Variants in TBC1D26 observed in about 807,000 individuals in gnomAD.
TBC1D26 encodes the protein TBC1 domain family, member 26.
Under a neutral mutation model 42.5 loss-of-function variants are expected in TBC1D26, and 19 were observed. The ratio of observed to expected loss-of-function variants is 0.45; its 90% CI spans 0.31 to 0.66. The LOEUF is 0.66. Ranked by LOEUF, TBC1D26 falls within the 30% of genes least tolerant of loss-of-function variation. The pLI, the probability that TBC1D26 is intolerant of heterozygous loss-of-function variation, is 0.06. For missense variants in TBC1D26, 228 were observed against 332.6 expected, an observed-to-expected ratio of 0.69 and a Z score of 2.45; for synonymous variants, 97 against 123.5, an observed-to-expected ratio of 0.79 and a Z score of 1.42.
Position 15,740,435 on chromosome 17 carries a change from C to G in TBC1D26, c.546+287C>G, listed in dbSNP as rs537279605. On this transcript the variant is annotated intron_variant, in intron 9 of 14. Coordinates refer to ENST00000437605, the MANE Select transcript of TBC1D26 (RefSeq NM_001388465.1). ...CACACAGGATGGTCCTTGTAGGAGA[C>G]AGGTTTGACAAGTTGCTGAGGTGCC... is the stretch of plus-strand genomic sequence containing the variant. 5.0e-5 allele frequency: 68 copies of G among 1,372,160 alleles called. 1 individual carries two copies. In the African/African-American group the frequency reaches 9.0e-4, roughly 18 times the overall value. 85.0% of individuals were successfully genotyped at this position (1,372,160 alleles called of 1,614,324 possible).
chr17:15,737,943 G>T, intron 5 of TBC1D26, 54 bp from the exon 6 acceptor site: 2 of 1,612,768 alleles, frequency 1.2e-6, no homozygotes, highest in Non-Finnish European at 1.7e-6. Flanking sequence ...GCATCCACGG[G>T]CCACTGTCAG....
rs1324899703 is a variant in TBC1D26 at position 15,735,337 on chromosome 17, T to A, written c.-1-11T>A. ...GGTGCGGGAGAGCCTTGGGATGACTTTGTCTTGCAGGATGGAGATGGATGG... is the reference window on the plus strand; with the variant it reads ...GGTGCGGGAGAGCCTTGGGATGACTATGTCTTGCAGGATGGAGATGGATGG... On this transcript the variant is annotated splice_polypyrimidine_tract_variant and intron_variant, in intron 2 of 14. Transcript: ENST00000437605. 6.2e-7 allele frequency: 1 copy of A among 1,613,696 alleles called. No homozygotes were observed. The highest frequency in any genetic ancestry group is 2.2e-5 in the East Asian group (1 of 44,862).
chr17:15,743,025 C>T lies in TBC1D26; in HGVS notation c.907+17C>T, dbSNP rs140657077. 409 of 153,524 alleles carry T rather than the reference C, an allele frequency of 2.7e-3. 2 individuals are homozygous for T. Among genetic ancestry groups the T allele is most frequent in the African/African-American group, 9.3e-3 (386 of 41,562 alleles). 9.5% of individuals were successfully genotyped at this position (153,524 alleles called of 1,614,324 possible). Reference sequence around the variant, plus strand: ...TACACAGGAGTAAGTCCCGTGTGCCCGAGGGTGCTTGGGGGAACATGTGGG... The same window carrying T: ...TACACAGGAGTAAGTCCCGTGTGCCTGAGGGTGCTTGGGGGAACATGTGGG... On this transcript the variant is annotated intron_variant, in intron 13 of 14. Coordinates refer to ENST00000437605, the MANE Select transcript of TBC1D26 (RefSeq NM_001388465.1).
At chr17:15,744,129 AG>A (rs1332283638) in intron 14 of TBC1D26, 113 bp from the exon 15 acceptor site, 1 of 152,160 alleles carries the variant, frequency 6.6e-6, no homozygotes, top group East Asian at 1.9e-4. Context: ...GATGTCATAA[AG>A]GTCCACCCCC....
intron 2 of TBC1D26, 109 bp from the exon 3 acceptor site, chr17:15,735,239 G>A: frequency 9.1e-7 from 1 of 1,096,492 alleles, no homozygotes; most frequent in South Asian, 1.4e-5. Flanking sequence ...AGGGGTAGTG[G>A]AATGGGGCTC....
At chr17:15,737,923 C>A in intron 5 of TBC1D26, 74 bp from the exon 6 acceptor site, 4 of 1,606,102 alleles carry the variant, frequency 2.5e-6, no homozygotes, top group South Asian at 1.1e-5. Flanking sequence ...GCCCCAAAGC[C>A]CTGGACCCAG....
At chr17:15,743,323 C>T in intron 13 of TBC1D26, 44 bp from the exon 14 acceptor site, 1 of 973,614 alleles carries the variant, frequency 1.0e-6, no homozygotes, top group Non-Finnish European at 1.2e-6. Context: ...GGCACTGTCC[C>T]CTCCCAGGGA....
rs1219264085 is a variant in TBC1D26 at position 15,744,356 on chromosome 17, C to G, written c.1171C>G (p.Gln391Glu). The G allele has an allele frequency of 2.0e-5, 3 of 152,334 alleles. No individual in the cohort carries two copies. The East Asian group carries it at 5.8e-4, about 29-fold the overall frequency. 9.4% of individuals were successfully genotyped at this position (152,334 alleles called of 1,614,324 possible). A position where few individuals can be genotyped will look rare whatever the true frequency, so the allele number is the denominator to read the frequency against. Reference protein sequence around the residue: ...ASGDFHAHPSQKALLNPGCHL... With the variant: ...ASGDFHAHPSEKALLNPGCHL... ...AGGTGACTTTCATGCACACCCAAGT[C>G]AGAAGGCTCTCCTGAATCCTGGATG... Residue 391 changes from glutamine to glutamate, a missense_variant, in exon 15 of 15, where the codon CAG becomes GAG. By Grantham distance (29) the Gln-to-Glu change is conservative. Transcript: ENST00000437605.
At chr17:15,733,366 G>A (rs956920787) in intron 1 of TBC1D26, among the ~76,000 whole-genome samples, 4 of 152,124 alleles carry the variant, frequency 2.6e-5, no homozygotes, top group African/African-American at 9.7e-5. Flanking sequence ...GGAGGAGGAG[G>A]TGAAAAAATG....
Position 15,744,230 on chromosome 17 carries a change from T to C in TBC1D26, c.1058-13T>C, listed in dbSNP as rs1350973642. On this transcript the variant is annotated splice_polypyrimidine_tract_variant and intron_variant, in intron 14 of 14. Coordinates refer to ENST00000437605, the MANE Select transcript of TBC1D26 (RefSeq NM_001388465.1). ...TAGTATTTCTTTCCATTTGTGACTC[T>C]CCAATCACGCAGGGAGCTTGCTACA... The C allele has an allele frequency of 2.0e-5, 3 of 152,192 alleles. No individual in the cohort carries two copies. The highest frequency in any genetic ancestry group is 4.4e-5 in the Non-Finnish European group (3 of 68,050). 9.4% of individuals were successfully genotyped at this position (152,192 alleles called of 1,614,324 possible).
intron 9 of TBC1D26, 74 bp from the exon 10 acceptor site, chr17:15,741,048 G>A: frequency 1.3e-6 from 2 of 1,588,938 alleles, no homozygotes; most frequent in Non-Finnish European, 1.7e-6. Flanking sequence ...TGCCACCTCT[G>A]GTGACATAAG....
chr17:15,737,347 C>T (rs1597754620), intron 4 of TBC1D26, 137 bp from the exon 5 acceptor site: 4 of 1,164,258 alleles, frequency 3.4e-6, no homozygotes, highest in East Asian at 2.4e-5. Flanking sequence ...AGGCCCTTGC[C>T]TTCCTTCTCT....
chr17:15,737,835 C>T (rs934741369), intron 5 of TBC1D26, 162 bp from the exon 6 acceptor site: 17 of 909,602 alleles, frequency 1.9e-5, no homozygotes, highest in Non-Finnish European at 2.7e-5. Context: ...TTCCAGACTA[C>T]CAGCTCCAGT....
Position 15,735,052 on chromosome 17 carries a change from G to A in TBC1D26, c.-20G>A, listed in dbSNP as rs1280026886. On this transcript the variant is annotated 5_prime_UTR_variant, in exon 2 of 15. Coordinates refer to ENST00000437605, the MANE Select transcript of TBC1D26 (RefSeq NM_001388465.1). ...ACTTCACCCTCAGCAAGTGGACGCCGTTTGTCCTGCCAGGGCAGGTGTGTG... is the reference window on the plus strand; with the variant it reads ...ACTTCACCCTCAGCAAGTGGACGCCATTTGTCCTGCCAGGGCAGGTGTGTG... 1.7e-5 allele frequency: 8 copies of A among 470,922 alleles called. No homozygotes were observed. The highest frequency in any genetic ancestry group is 3.0e-5 in the Non-Finnish European group (8 of 263,920). 29.2% of individuals were successfully genotyped at this position (470,922 alleles called of 1,614,324 possible). A position where few individuals can be genotyped will look rare whatever the true frequency, so the allele number is the denominator to read the frequency against.
intron 7 of TBC1D26, 114 bp from the exon 8 acceptor site, chr17:15,738,607 G>A: frequency 6.4e-7 from 1 of 1,570,152 alleles, no homozygotes. Context: ...TTCTGCAGAA[G>A]GAAACCTTCC....
At chr17:15,735,511 A>G (rs1446678777) in intron 3 of TBC1D26, 86 bp from the exon 4 acceptor site, 2 of 1,379,992 alleles carry the variant, frequency 1.4e-6, no homozygotes, top group Non-Finnish European at 2.0e-6. Context: ...TCCTAAGATC[A>G]CAGGGTGGGG....
rs1315153937 is a variant in TBC1D26 at position 15,740,110 on chromosome 17, T to G, written c.508T>G (p.Leu170Val). The change falls in exon 9 of 15, where the codon TTA becomes GTA. Residue 170 changes from leucine (L) to valine (V), a missense_variant. Physicochemically the swap from Leu to Val is conservative, Grantham distance 32 (BLOSUM62 1). This residue lies in a region of TBC1D26 where 130 missense variants were observed against 168.5 expected (regional missense o/e 0.77). Coordinates refer to ENST00000437605, the MANE Select transcript of TBC1D26 (RefSeq NM_001388465.1). ...IQRFGVKQQE[L>V]CDILVAYSAY... ...TCCCCTCTTTTCTAGGCAGCAGGAA[T>G]TATGTGACATCCTCGTGGCCTATTC... 6.2e-7 allele frequency: 1 copy of G among 1,613,010 alleles called. No homozygotes were observed. Among genetic ancestry groups the G allele is most frequent in the African/African-American group, 1.3e-5 (1 of 75,004 alleles).
In TBC1D26 at chr17:15,738,011, A is replaced by T; in HGVS notation, c.213A>T (p.Glu71Asp). 1 of 1,614,144 alleles carries T rather than the reference A, an allele frequency of 6.2e-7. No homozygotes were observed. The highest frequency in any genetic ancestry group is 8.5e-7 in the Non-Finnish European group (1 of 1,179,988). The change falls in exon 6 of 15, where the codon GAA (glutamate) becomes GAT (aspartate). Residue 71 changes from glutamate to aspartate, a missense_variant. Physicochemically the swap from Glu to Asp is conservative, Grantham distance 45 (BLOSUM62 2). Transcript: ENST00000437605. ...TCATTTGACAGCAAAGACGCAAGGA[A>T]AGTAAACGTACCAACAAGTGGCAAA... ...SALEVKQRRKESKRTNKWQKM... is the reference protein window; with the variant it reads ...SALEVKQRRKDSKRTNKWQKM...
At chr17:15,740,250 T>A (rs1376951755) in intron 9 of TBC1D26, 102 bp downstream of exon 9, 1 of 1,613,648 alleles carries the variant, frequency 6.2e-7, no homozygotes, top group Admixed American at 1.7e-5. Flanking sequence ...TCAGTGTTTG[T>A]CCACCAGGAC....
Sources: gnomAD v4.1 joint callset for allele counts (sites outside exome capture counted in the v4.1 genomes callset) on GRCh38, gnomAD v4.1.1 for gene constraint, gnomAD v4.1.1 regional missense constraint, MANE v1.5 for transcripts, NCBI Gene and HGNC (gene_info 2026-07-23, HGNC 2026-07-21) for gene names.